The following IGSF9B variants were observed in gnomAD, a reference collection of about 807,000 sequenced individuals.
IGSF9B encodes protein turtle homolog B.
IGSF9B carries 48 observed loss-of-function variants against 143.7 expected under a neutral mutation model. The observed-to-expected ratio is 0.33, with a 90% CI of 0.26 to 0.42. IGSF9B has a LOEUF of 0.42. Ranked by LOEUF, IGSF9B falls within the 20% of genes least tolerant of loss-of-function variation. IGSF9B has a pLI of 1.00. For missense variants in IGSF9B, 1,706 were observed against 1,980.0 expected (o/e 0.86, Z 2.63); for synonymous variants, 903 against 833.1 (o/e 1.08, Z -1.44).
intron 18 of IGSF9B, 150 bp downstream of exon 18, chr11:133,919,592 G>C (rs952880766): frequency 3.3e-5 from 17 of 522,080 alleles, no homozygotes; most frequent in Middle Eastern, 5.3e-4. Flanking sequence ...CCCAAACCGC[G>C]GCGGCCAGAA....
In IGSF9B at chr11:133,946,086, C is replaced by CG; in HGVS notation, c.236dup (p.Pro80AlafsTer6). The CG allele has an allele frequency of 6.3e-7, 1 of 1,592,436 alleles. No homozygotes were observed. The highest frequency in any genetic ancestry group is 8.6e-7 in the Non-Finnish European group (1 of 1,167,564). ...CTGCATACTCAGGGTCCACGTGCGGCGGGTAGTAGCCAAACTTGATGAAGA... is the reference window on the plus strand; with the variant it reads ...CTGCATACTCAGGGTCCACGTGCGGCGGGGTAGTAGCCAAACTTGATGAAGA... On this transcript the variant is annotated frameshift_variant, in exon 2 of 20. Transcript: ENST00000533871. LOFTEE classifies it high-confidence loss of function.
At chr11:133,919,649 C>T (rs141872555) in intron 18 of IGSF9B, 93 bp downstream of exon 18, 6 of 840,836 alleles carry the variant, frequency 7.1e-6, no homozygotes, top group Admixed American at 3.8e-5. Flanking sequence ...CGAGCCCTGT[C>T]GCCGGGCGGA....
rs1470180731 is a variant in IGSF9B at position 133,922,799 on chromosome 11, T to G, written c.2120-69A>C. On this transcript the variant is annotated intron_variant, in intron 15 of 19. Coordinates refer to ENST00000533871, the MANE Select transcript of IGSF9B (RefSeq NM_001277285.4). Reference sequence around the variant, plus strand: ...GGACCTCACCTGCTCCGACCTTCAGTCCCCAAGTGTTTCACCCTGCCTTTG... The same window carrying G: ...GGACCTCACCTGCTCCGACCTTCAGGCCCCAAGTGTTTCACCCTGCCTTTG... 2.0e-5 allele frequency: 28 copies of G among 1,405,314 alleles called. 1 individual carries two copies. In the East Asian group the frequency reaches 7.0e-4, roughly 35 times the overall value. 87.1% of individuals were successfully genotyped at this position (1,405,314 alleles called of 1,614,324 possible).
At chr11:133,955,378 C>T (rs1940232634) in intron 1 of IGSF9B, among the ~76,000 whole-genome samples, 1 of 152,228 alleles carries the variant, frequency 6.6e-6, no homozygotes, top group Non-Finnish European at 1.5e-5. Flanking sequence ...TGTTTTCAGA[C>T]ACCACCACCC....
rs1199178019 is a variant in IGSF9B, at chr11:133,900,607, C to G, written c.*8462G>C. Reference sequence around the variant, plus strand: ...CCAGAAGGAAGGTTCCACTAAGACCCCCTCTCCCAGGCCGGCCCACAGTTC... The same window carrying G: ...CCAGAAGGAAGGTTCCACTAAGACCGCCTCTCCCAGGCCGGCCCACAGTTC... On this transcript the variant is annotated 3_prime_UTR_variant, in exon 20 of 20. Coordinates refer to ENST00000533871, the MANE Select transcript of IGSF9B (RefSeq NM_001277285.4). The G allele has an allele frequency of 6.6e-6, 1 of 152,636 alleles. No homozygotes were observed. The highest frequency in any genetic ancestry group is 2.4e-5 in the African/African-American group (1 of 41,440). The allele number at this position is 152,636 out of a possible 1,614,324, so 9.5% of individuals were successfully genotyped here. A position where few individuals can be genotyped will look rare whatever the true frequency, so the allele number is the denominator to read the frequency against.
chr11:133,912,287 G>C, intron 18 of IGSF9B: 1 of 593,396 alleles, frequency 1.7e-6, no homozygotes, highest in Non-Finnish European at 3.2e-6. Flanking sequence ...GATTTTAATA[G>C]TAAGCACCTT....
intron 18 of IGSF9B, chr11:133,912,358 G>A: frequency 2.1e-6 from 1 of 481,634 alleles, no homozygotes; most frequent in Non-Finnish European, 4.1e-6. Context: ...TGAACGTCTG[G>A]AGTTCCTAGA....
Position 133,903,750 on chromosome 11 carries a change from A to T in IGSF9B, c.*5319T>A, listed in dbSNP as rs1451383041. Among the ~76,000 whole-genome samples, 1 of 152,202 alleles carries T rather than the reference A, an allele frequency of 6.6e-6. No homozygotes were observed. The highest frequency in any genetic ancestry group is 6.5e-5 in the Admixed American group (1 of 15,288). ...TGGGGTTATTATACTTGCTCCTGAA[A>T]GAAGGTTTTGAGAGTACAGACAGGA... On this transcript the variant is annotated 3_prime_UTR_variant, in exon 20 of 20. Transcript: ENST00000533871.
intron 3 of IGSF9B, chr11:133,938,240 C>A (rs1406358059): frequency 1.7e-5 from 6 of 347,442 alleles, no homozygotes; most frequent in Non-Finnish European, 3.2e-5. Flanking sequence ...CTTACAAACA[C>A]TGCCTGCTCC....
At chr11:133,951,366 C>T (rs11223642) in intron 1 of IGSF9B, among the ~76,000 whole-genome samples, 21,998 of 152,168 alleles carry the variant, frequency 0.14, 2,426 homozygotes, top group East Asian at 0.61. Flanking sequence ...CCGGCCCCCA[C>T]GCGCCACCAA....
At position 133,953,979 on chromosome 11, in the gene IGSF9B, C is replaced by G. The variant is rs1040860965; in HGVS notation, c.64+2712G>C. ...CCAACCTCTGTCCCGCACCCGAGGG[C>G]TGATGGAGTCGGGTCCCAACACAAC... On this transcript the variant is annotated intron_variant, in intron 1 of 19. Transcript: ENST00000533871. This position sits in a 1 kb window ranked among gnomAD's most constrained non-coding sequence, Gnocchi z 4.2. Among the ~76,000 whole-genome samples the G allele has an allele frequency of 1.3e-5, 2 of 152,200 alleles. No homozygotes were observed. The highest frequency in any genetic ancestry group is 4.8e-5 in the African/African-American group (2 of 41,440).
At position 133,928,731 on chromosome 11, in the gene IGSF9B, C is replaced by T. The variant is rs1359211003; in HGVS notation, c.1631+940G>A. ...GGGGTGGGAGGAGTCAGCTAGGCTT[C>T]CTTCTCCTCCCTTCCTGTGCCTCCT... is the stretch of plus-strand genomic sequence containing the variant. On this transcript the variant is annotated intron_variant, in intron 12 of 19. Transcript: ENST00000533871. The surrounding 1 kb of genome is among the most constrained non-coding windows in gnomAD (Gnocchi z 4.7). 6.6e-6 allele frequency among the ~76,000 whole-genome samples: 1 copy of T among 151,990 alleles called. No individual in the cohort carries two copies. The highest frequency in any genetic ancestry group is 1.5e-5 in the Non-Finnish European group (1 of 67,966).
chr11:133,924,413 A>C (rs554268004), intron 15 of IGSF9B, among the ~76,000 whole-genome samples: 1 of 152,304 alleles, frequency 6.6e-6, no homozygotes, highest in South Asian at 2.1e-4. Flanking sequence ...AAACCCACAT[A>C]ATTATAAAGA....
At chr11:133,951,546 A>C (rs1414664704) in intron 1 of IGSF9B, among the ~76,000 whole-genome samples, 3 of 152,198 alleles carry the variant, frequency 2.0e-5, no homozygotes, top group Admixed American at 6.5e-5. Context: ...GGATGCTATT[A>C]GCAACCTTAA....
rs1482117596 is a variant in IGSF9B at position 133,904,566 on chromosome 11, C to T, written c.*4503G>A. ...ATGCCCAGATCCCCCTCCCACATGC[C>T]CTGCATGGCTACCACTCCCCAGCCA... On this transcript the variant is annotated 3_prime_UTR_variant, in exon 20 of 20. Coordinates refer to ENST00000533871, the MANE Select transcript of IGSF9B (RefSeq NM_001277285.4). Among the ~76,000 whole-genome samples, 2 of 152,130 alleles carry T rather than the reference C, an allele frequency of 1.3e-5. No individual in the cohort carries two copies. The highest frequency in any genetic ancestry group is 2.9e-5 in the Non-Finnish European group (2 of 68,030).
rs1047454149 is a variant in IGSF9B, at chr11:133,906,369, C to T, written c.*2700G>A. On this transcript the variant is annotated 3_prime_UTR_variant, in exon 20 of 20. Coordinates refer to ENST00000533871, the MANE Select transcript of IGSF9B (RefSeq NM_001277285.4). ...GGGCTGCAGGAGGGCTGCTGGCCTC[C>T]GAGGACACTGTCACAGGAGGAAGCC... Among the ~76,000 whole-genome samples the T allele has an allele frequency of 1.3e-5, 2 of 152,144 alleles. No homozygotes were observed. Among genetic ancestry groups the T allele is most frequent in the Non-Finnish European group, 1.5e-5 (1 of 68,044 alleles).
chr11:133,925,218 G>C (rs925834077), intron 14 of IGSF9B, among the ~76,000 whole-genome samples: 5 of 152,218 alleles, frequency 3.3e-5, no homozygotes, highest in African/African-American at 4.8e-5. Context: ...CAGGAAGGAA[G>C]ACAGAAAGAT....
chr11:133,945,876 C>A lies in IGSF9B; in HGVS notation c.262+185G>T, dbSNP rs1001110392. Among the ~76,000 whole-genome samples the A allele has an allele frequency of 1.3e-5, 2 of 152,062 alleles. No individual in the cohort carries two copies. The highest frequency in any genetic ancestry group is 2.9e-5 in the Non-Finnish European group (2 of 68,026). ...GTTCAGAAGGCTTTACCCTGCCCCACCTCCACAGCCCTCTCCTCCCACCGC... is the reference window on the plus strand; with the variant it reads ...GTTCAGAAGGCTTTACCCTGCCCCAACTCCACAGCCCTCTCCTCCCACCGC... On this transcript the variant is annotated intron_variant, in intron 2 of 19. Coordinates refer to ENST00000533871, the MANE Select transcript of IGSF9B (RefSeq NM_001277285.4). The surrounding 1 kb of genome is among the most constrained non-coding windows in gnomAD (Gnocchi z 4.6).
intron 3 of IGSF9B, among the ~76,000 whole-genome samples, chr11:133,940,906 C>T (rs539585157): frequency 6.6e-6 from 1 of 152,214 alleles, no homozygotes; most frequent in Admixed American, 6.5e-5. Flanking sequence ...ACTTGCAGGC[C>T]TCTTCTCACT....
Sources: allele counts gnomAD v4.1 joint callset (sites outside exome capture counted in the v4.1 genomes callset), GRCh38; gene constraint gnomAD v4.1.1; non-coding constraint Gnocchi (gnomAD v3.1); transcripts MANE v1.5; gene names NCBI Gene and HGNC (gene_info 2026-07-23, HGNC 2026-07-21).